Variants in PCDH11Y observed in about 807,000 individuals in gnomAD.
PCDH11Y encodes protocadherin-11 Y-linked.
For synonymous variants in PCDH11Y, 9 were observed against 83.6 expected, an observed-to-expected ratio of 0.11 and a Z score of 4.87; for missense variants, 12 against 224.8, an observed-to-expected ratio of 0.05 and a Z score of 6.05.
intron 4 of PCDH11Y, among the ~76,000 whole-genome samples, chrY:5,686,165 CTA>C (rs2053562820): frequency 3.0e-5 from 1 of 33,363 alleles, no homozygotes; most frequent in Non-Finnish European, 7.4e-5. Flanking sequence ...TTCCATTGGT[CTA>C]TGTGTCTGTT....
At chrY:5,697,748 T>A (rs2124711499) in intron 4 of PCDH11Y, among the ~76,000 whole-genome samples, 1 of 33,287 alleles carries the variant, frequency 3.0e-5, no homozygotes, top group African/African-American at 1.2e-4. Flanking sequence ...TACACCACTC[T>A]GGTGGGTCTT....
chrY:5,108,051 G>A, downstream of PCDH11Y, among the ~76,000 whole-genome samples: 7 of 10,602 alleles, frequency 6.6e-4, no homozygotes, highest in East Asian at 4.0e-3. Flanking sequence ...AGAGCCAGAG[G>A]CTGTCTCAAA....
At chrY:5,109,618 A>T, downstream of PCDH11Y, among the ~76,000 whole-genome samples, 1 of 33,003 alleles carries the variant, frequency 3.0e-5, no homozygotes, top group Non-Finnish European at 7.4e-5. Flanking sequence ...ATGTAATAAC[A>T]TACCTTGATT....
At chrY:5,535,076 T>C in intron 3 of PCDH11Y, among the ~76,000 whole-genome samples, 2 of 33,009 alleles carry the variant, frequency 6.1e-5, no homozygotes, top group African/African-American at 2.4e-4. Context: ...TTTTAGATAT[T>C]GAATTTTCAG....
chrY:5,667,626 C>T (rs1318133306), intron 4 of PCDH11Y, among the ~76,000 whole-genome samples: 172 of 32,733 alleles, frequency 5.3e-3, no homozygotes, highest in Non-Finnish European at 0.011. Flanking sequence ...GACTCCTGGG[C>T]TCAAGCAATC....
Position 5,359,361 on chromosome Y carries a change from C to T in PCDH11Y, c.3130-141696C>T. ...ACCACGTATTTGTTAACTGTCATGG[C>T]ACTGGGGGGAATATAGCAGTGAGGA... On this transcript the variant is annotated intron_variant, in intron 2 of 4. Coordinates refer to the PCDH11Y transcript ENST00000400457. 9.1e-5 allele frequency among the ~76,000 whole-genome samples: 3 copies of T among 32,803 alleles called. No individual in the cohort carries two copies. The South Asian group carries it at 2.1e-3, about 23-fold the overall frequency. 88.0% of individuals were successfully genotyped at this position (32,803 alleles called of 37,273 possible).
At chrY:5,421,049 T>TACATAC in intron 2 of PCDH11Y, among the ~76,000 whole-genome samples, 34 of 16,961 alleles carry the variant, frequency 2.0e-3, no homozygotes, top group African/African-American at 8.3e-3. Context: ...CTACTAAAAA[T>TACATAC]ACACACACAC....
At chrY:5,400,679 G>A in intron 2 of PCDH11Y, among the ~76,000 whole-genome samples, 1 of 23,433 alleles carries the variant, frequency 4.3e-5, no homozygotes, top group South Asian at 1.1e-3. Flanking sequence ...TCCTCTTAAG[G>A]TTTTAAATAA....
intron 1 of PCDH11Y, among the ~76,000 whole-genome samples, chrY:5,009,953 C>T (rs2052545424): frequency 3.0e-5 from 1 of 33,481 alleles, no homozygotes; most frequent in African/African-American, 1.2e-4. Flanking sequence ...GCCTGTAATC[C>T]CAGCACTTTG....
intron 4 of PCDH11Y, among the ~76,000 whole-genome samples, chrY:5,613,341 A>C: frequency 3.1e-5 from 1 of 32,109 alleles, no homozygotes; most frequent in Non-Finnish European, 7.5e-5. Flanking sequence ...TCTATTCTAA[A>C]GGTAGTTAAG....
rs532607707 is a variant in PCDH11Y, at chrY:5,383,701, C to T, written c.3130-117356C>T. On this transcript the variant is annotated intron_variant, in intron 2 of 4. Transcript: ENST00000400457. ...TGGTGGGATCTCGGCTCACTGAAAC[C>T]TCCGCCTCCTAGGTTTAAGCGATTC... Among the ~76,000 whole-genome samples, 168 of 31,047 alleles carry T rather than the reference C, an allele frequency of 5.4e-3. No individual in the cohort carries two copies. In the South Asian group the frequency reaches 0.12, roughly 22 times the overall value. 83.3% of individuals were successfully genotyped at this position (31,047 alleles called of 37,273 possible).
At position 5,555,017 on chromosome Y, in the gene PCDH11Y, C is replaced by T. The variant is rs2053422246; in HGVS notation, c.3329-26758C>T. ...GCCTGGAAAAGCCACAAACACTCAACACCAGCCCACGAAAGCAGTTGGGAG... is the reference window on the plus strand; with the variant it reads ...GCCTGGAAAAGCCACAAACACTCAATACCAGCCCACGAAAGCAGTTGGGAG... On this transcript the variant is annotated intron_variant, in intron 3 of 4. Coordinates refer to the PCDH11Y transcript ENST00000400457. Among the ~76,000 whole-genome samples the T allele has an allele frequency of 1.9e-4, 6 of 31,857 alleles. No individual in the cohort carries two copies. The East Asian group carries it at 5.3e-3, about 28-fold the overall frequency. The allele number at this position is 31,857 out of a possible 37,273, so 85.5% of individuals were successfully genotyped here. A position where few individuals can be genotyped will look rare whatever the true frequency, so the allele number is the denominator to read the frequency against.
intron 2 of PCDH11Y, among the ~76,000 whole-genome samples, chrY:5,218,979 C>G: frequency 2.9e-5 from 1 of 34,018 alleles, no homozygotes; most frequent in African/African-American, 1.1e-4. Flanking sequence ...CTCTTTATGT[C>G]TCTAGATTAT....
chrY:5,554,156 G>A (rs2053421503), intron 3 of PCDH11Y, among the ~76,000 whole-genome samples: 1 of 33,271 alleles, frequency 3.0e-5, no homozygotes, highest in East Asian at 8.1e-4. Flanking sequence ...AAGTTGACTC[G>A]TTATCTTTTA....
chrY:5,452,951 C>G, intron 2 of PCDH11Y, among the ~76,000 whole-genome samples: 1 of 33,391 alleles, frequency 3.0e-5, no homozygotes. Context: ...TTCTCTATTT[C>G]TAACTACTGG....
At chrY:5,261,956 C>G in intron 2 of PCDH11Y, among the ~76,000 whole-genome samples, 9 of 33,104 alleles carry the variant, frequency 2.7e-4, no homozygotes, top group Admixed American at 2.2e-3. Context: ...TTCCTTTTTA[C>G]GGCTGCATAG....
intron 3 of PCDH11Y, among the ~76,000 whole-genome samples, chrY:5,559,149 C>A: frequency 3.0e-5 from 1 of 32,833 alleles, no homozygotes; most frequent in African/African-American, 1.2e-4. Context: ...CAAATGCCTT[C>A]AACTTAGGTG....
chrY:5,452,548 A>G (rs2053294051), intron 2 of PCDH11Y, among the ~76,000 whole-genome samples: 1 of 33,289 alleles, frequency 3.0e-5, no homozygotes, highest in African/African-American at 1.2e-4. Flanking sequence ...GCTATATAAA[A>G]ACATGTACAA....
At chrY:5,024,694 G>A in intron 1 of PCDH11Y, among the ~76,000 whole-genome samples, 1 of 32,443 alleles carries the variant, frequency 3.1e-5, no homozygotes, top group Non-Finnish European at 7.6e-5. Flanking sequence ...AGAAACATAC[G>A]GAATGAAGCC....
Sources: allele counts gnomAD v4.1 joint callset (sites outside exome capture counted in the v4.1 genomes callset), GRCh38; gene constraint gnomAD v4.1.1; transcripts MANE v1.5; gene names NCBI Gene and HGNC (gene_info 2026-07-23, HGNC 2026-07-21).